Variants in CHST12 observed in about 807,000 individuals in gnomAD.
CHST12 encodes carbohydrate sulfotransferase 12.
CHST12 carries 23 observed loss-of-function variants against 27.9 expected under a neutral mutation model. That is an observed-to-expected ratio of 0.82 (90% CI 0.59 to 1.17). The LOEUF (loss-of-function observed/expected upper bound fraction) is 1.17, where lower values mean the gene tolerates loss of function less well. CHST12 is among the 50% of genes most tolerant of loss of function. The probability of loss-of-function intolerance (pLI) is 0.00; values close to 1 mark genes in which losing one functional copy is unlikely to be tolerated. For missense variants in CHST12, 682 were observed against 603.0 expected (o/e 1.13, Z -1.37); for synonymous variants, 322 against 273.0 (o/e 1.18, Z -1.77).
chr7:2,433,582 C>T lies in CHST12; in HGVS notation c.943C>T (p.Leu315=), dbSNP rs749753517. The T allele has an allele frequency of 1.2e-6, 2 of 1,613,644 alleles. No homozygotes were observed. The highest frequency in any genetic ancestry group is 1.7e-6 in the Non-Finnish European group (2 of 1,179,998). ...QYLLDPHTEK[L]APFNEHWRQV... The stretch of plus-strand genomic sequence containing the variant: ...CCTGCTGGACCCGCACACGGAGAAG[C>T]TGGCGCCCTTCAACGAGCACTGGCG... Residue 315 remains leucine (L), a synonymous_variant, in exon 2 of 2, where the codon CTG becomes TTG. Transcript: ENST00000618655. The surrounding 1 kb of genome is among the most constrained non-coding windows in gnomAD (Gnocchi z 6.1).
chr7:2,444,018 C>G lies in CHST12; in HGVS notation c.*10134C>G, dbSNP rs895499847. 1.3e-5 allele frequency: 2 copies of G among 152,022 alleles called. No homozygotes were observed. The highest frequency in any genetic ancestry group is 2.4e-5 in the African/African-American group (1 of 41,384). 9.4% of individuals were successfully genotyped at this position (152,022 alleles called of 1,614,324 possible). Reference sequence around the variant, plus strand: ...ACAAAAATTAGGCCGGGCGCGGTGGCTCACGCCTGTAATCCCAGCACTTTG... The same window carrying G: ...ACAAAAATTAGGCCGGGCGCGGTGGGTCACGCCTGTAATCCCAGCACTTTG... On this transcript the variant is annotated 3_prime_UTR_variant, in exon 2 of 2. Coordinates refer to ENST00000618655, the MANE Select transcript of CHST12 (RefSeq NM_018641.5).
chr7:2,426,024 A>G (rs558148487), intron 1 of CHST12, among the ~76,000 whole-genome samples: 32 of 152,118 alleles, frequency 2.1e-4, no homozygotes, highest in East Asian at 5.8e-4. Context: ...GGCTCGCTAG[A>G]TCAGCAGGGG....
intron 1 of CHST12, among the ~76,000 whole-genome samples, chr7:2,405,696 C>T (rs540824404): frequency 3.2e-4 from 49 of 152,042 alleles, no homozygotes; most frequent in African/African-American, 1.1e-3. Context: ...ATCCACTGGG[C>T]GGTGGCGCTT....
chr7:2,437,748 ACACACACTCTCTCT>A lies in CHST12; in HGVS notation c.*3872_*3885del. The A allele has an allele frequency of 6.6e-6, 1 of 152,096 alleles. No homozygotes were observed. Among genetic ancestry groups the A allele is most frequent in the Middle Eastern group, 3.4e-3 (1 of 294 alleles). 9.4% of individuals were successfully genotyped at this position (152,096 alleles called of 1,614,324 possible). On this transcript the variant is annotated 3_prime_UTR_variant, in exon 2 of 2. Coordinates refer to ENST00000618655, the MANE Select transcript of CHST12 (RefSeq NM_018641.5). ...CACACGCGCGCACACACACACACAC[ACACACACTCTCTCT>A]CACACACACATCGGGATATTTTTCT... is the stretch of plus-strand genomic sequence containing the variant.
At chr7:2,404,088 T>G (rs1781456748) in intron 1 of CHST12, 1 of 152,408 alleles carries the variant, frequency 6.6e-6, no homozygotes, top group African/African-American at 2.4e-5. Context: ...ATTCCCGGGC[T>G]TGGAGTTCCA....
intron 1 of CHST12, among the ~76,000 whole-genome samples, chr7:2,424,177 G>T (rs1176671967): frequency 6.6e-6 from 1 of 152,168 alleles, no homozygotes; most frequent in Non-Finnish European, 1.5e-5. Flanking sequence ...AACATAGGGA[G>T]ATCCTGTCTC....
In CHST12 at chr7:2,415,964, T is replaced by C. The variant is rs145196972; in HGVS notation, c.-78+12291T>C. 2.0e-5 allele frequency among the ~76,000 whole-genome samples: 3 copies of C among 152,344 alleles called. No individual in the cohort carries two copies. The East Asian group carries it at 5.8e-4, about 29-fold the overall frequency. ...GTGTGCTGCATTTATTGACTCTTAC[T>C]TTTACAAAAGGTTTTCCTGTAGCAC... On this transcript the variant is annotated intron_variant, in intron 1 of 1. Coordinates refer to ENST00000618655, the MANE Select transcript of CHST12 (RefSeq NM_018641.5).
Position 2,433,009 on chromosome 7 carries a change from C to A in CHST12, c.370C>A (p.Arg124=), listed in dbSNP as rs778123979. Residue 124 remains arginine (R), a synonymous_variant, in exon 2 of 2, where the codon CGG becomes AGG. Transcript: ENST00000618655. The surrounding 1 kb of genome is among the most constrained non-coding windows in gnomAD (Gnocchi z 6.1). ...SPDQGRQQAE[R]RSVLRGFCAN... ...AGACCAGGGCCGGCAGCAGGCGGAG[C>A]GGAGGAGCGTGCTGCGGGGCTTCTG... 1.2e-6 allele frequency: 2 copies of A among 1,610,712 alleles called. No individual in the cohort carries two copies. The highest frequency in any genetic ancestry group is 1.3e-5 in the African/African-American group (1 of 74,876).
In CHST12 at chr7:2,426,681, A is replaced by T. The variant is rs566964179; in HGVS notation, c.-77-5882A>T. ...TTGTTGCTAATATTAAAAAAATATAACATACAAGAGTGACAGGAGAGACAT... is the reference window on the plus strand; with the variant it reads ...TTGTTGCTAATATTAAAAAAATATATCATACAAGAGTGACAGGAGAGACAT... On this transcript the variant is annotated intron_variant, in intron 1 of 1. Coordinates refer to ENST00000618655, the MANE Select transcript of CHST12 (RefSeq NM_018641.5). Among the ~76,000 whole-genome samples the T allele has an allele frequency of 1.6e-4, 25 of 152,118 alleles. 1 individual carries two copies. In the South Asian group the frequency reaches 5.2e-3, roughly 32 times the overall value.
At chr7:2,413,891 G>A (rs1299033955) in intron 1 of CHST12, among the ~76,000 whole-genome samples, 1 of 151,790 alleles carries the variant, frequency 6.6e-6, no homozygotes, top group Non-Finnish European at 1.5e-5. Context: ...ACCACACCCA[G>A]CTAATTTTTG....
chr7:2,416,186 A>G (rs1781803915), intron 1 of CHST12, among the ~76,000 whole-genome samples: 1 of 152,192 alleles, frequency 6.6e-6, no homozygotes, highest in Non-Finnish European at 1.5e-5. Flanking sequence ...GTTCCTTCGT[A>G]AGAAGCAACT....
intron 1 of CHST12, among the ~76,000 whole-genome samples, chr7:2,429,749 AGGTTTTTTTCATTTGTTTGGTT>A (rs1238744972): frequency 3.9e-5 from 6 of 151,904 alleles, no homozygotes; most frequent in Admixed American, 6.6e-5. Context: ...GATAATTTGT[AGGTTTTTTTCATTTGTTTGGTT>A]GGTTTTTTGT....
At chr7:2,417,763 A>G (rs1331423730) in intron 1 of CHST12, among the ~76,000 whole-genome samples, 1 of 152,050 alleles carries the variant, frequency 6.6e-6, no homozygotes, top group Non-Finnish European at 1.5e-5. Flanking sequence ...AGGGCATCCG[A>G]TATCTCAGTT....
At chr7:2,430,102 C>G (rs1343188208) in intron 1 of CHST12, among the ~76,000 whole-genome samples, 1 of 151,926 alleles carries the variant, frequency 6.6e-6, no homozygotes, top group East Asian at 1.9e-4. Flanking sequence ...TTCTAATGCT[C>G]TTGGCACCAC....
Position 2,444,265 on chromosome 7 carries a change from C to T in CHST12, c.*10381C>T, listed in dbSNP as rs997664143. Reference sequence around the variant, plus strand: ...CGCCACTGCACTCCAGCCTGGGCGACAGAGCGAGACTCCGTCTCAAAAAAA... The same window carrying T: ...CGCCACTGCACTCCAGCCTGGGCGATAGAGCGAGACTCCGTCTCAAAAAAA... On this transcript the variant is annotated 3_prime_UTR_variant, in exon 2 of 2. Transcript: ENST00000618655. 1.7e-5 allele frequency: 2 copies of T among 114,508 alleles called. No homozygotes were observed. Among genetic ancestry groups the T allele is most frequent in the Admixed American group, 2.5e-4 (2 of 7,894 alleles). 7.1% of individuals were successfully genotyped at this position (114,508 alleles called of 1,614,324 possible). A position where few individuals can be genotyped will look rare whatever the true frequency, so the allele number is the denominator to read the frequency against.
intron 1 of CHST12, among the ~76,000 whole-genome samples, chr7:2,418,045 G>A (rs1781856127): frequency 6.6e-6 from 1 of 152,238 alleles, no homozygotes; most frequent in Non-Finnish European, 1.5e-5. Flanking sequence ...AGCTGAACAC[G>A]AGTGAGCTAA....
rs1389844291 is a variant in CHST12 at position 2,432,582 on chromosome 7, G to A, written c.-58G>A. 3.0e-5 allele frequency: 46 copies of A among 1,543,228 alleles called. No individual in the cohort carries two copies. Among genetic ancestry groups the A allele is most frequent in the Admixed American group, 3.8e-5 (2 of 52,154 alleles). Reference sequence around the variant, plus strand: ...CTGCAGGTTCCCAGCAGGATGCCCCGGCTCTGCAGGAAGCTGAAGTGAGAG... The same window carrying A: ...CTGCAGGTTCCCAGCAGGATGCCCCAGCTCTGCAGGAAGCTGAAGTGAGAG... On this transcript the variant is annotated 5_prime_UTR_variant, in exon 2 of 2. Coordinates refer to ENST00000618655, the MANE Select transcript of CHST12 (RefSeq NM_018641.5).
intron 1 of CHST12, among the ~76,000 whole-genome samples, chr7:2,404,555 G>C (rs1335718088): frequency 6.6e-6 from 1 of 152,258 alleles, no homozygotes; most frequent in East Asian, 1.9e-4. Context: ...CCCGGCTGTG[G>C]GTGGTTGGGG....
Position 2,433,121 on chromosome 7 carries a change from A to T in CHST12, c.482A>T (p.Asp161Val). The change falls in exon 2 of 2, where the codon GAC becomes GTC. Residue 161 changes from aspartate to valine, a missense_variant. By Grantham distance (152) the Asp-to-Val change is radical (BLOSUM62 -3). Transcript: ENST00000618655. The surrounding 1 kb of genome is among the most constrained non-coding windows in gnomAD (Gnocchi z 6.1). The stretch of plus-strand genomic sequence containing the variant: ...GAGCTGAGCCACCTGATCGTGGACG[A>T]CCGGCACGGGGCCATCTACTGCTAC... ...NSELSHLIVDDRHGAIYCYVP... is the reference protein window; with the variant it reads ...NSELSHLIVDVRHGAIYCYVP... The T allele has an allele frequency of 6.2e-7, 1 of 1,612,332 alleles. No individual in the cohort carries two copies. Among genetic ancestry groups the T allele is most frequent in the Non-Finnish European group, 8.5e-7 (1 of 1,179,346 alleles).
Sources: allele counts gnomAD v4.1 joint callset (sites outside exome capture counted in the v4.1 genomes callset), GRCh38; gene constraint gnomAD v4.1.1; non-coding constraint Gnocchi (gnomAD v3.1); transcripts MANE v1.5; gene names NCBI Gene and HGNC (gene_info 2026-07-23, HGNC 2026-07-21).